Variants in DNM3 observed in about 807,000 individuals in gnomAD.
DNM3 encodes the protein dynamin 3.
DNM3 carries 47 observed loss-of-function variants against 101.6 expected under a neutral mutation model. The ratio of observed to expected loss-of-function variants is 0.46; its 90% confidence interval spans 0.37 to 0.59. The LOEUF (loss-of-function observed/expected upper bound fraction) is 0.59, where lower values mean the gene tolerates loss of function less well. Among genes scored for constraint, DNM3 ranks in the 20% least tolerant of loss-of-function variants. DNM3 has a pLI of 0.00. For missense variants in DNM3, 849 were observed against 1,085.7 expected (o/e 0.78, Z 3.06); for synonymous variants, 385 against 387.9 (o/e 0.99, Z 0.09).
At chr1:172,345,645 G>A (rs756738400) in intron 17 of DNM3, among the ~76,000 whole-genome samples, 1 of 152,076 alleles carries the variant, frequency 6.6e-6, no homozygotes, top group Non-Finnish European at 1.5e-5. Flanking sequence ...AAGTGTATTT[G>A]TGCCACTTGA....
chr1:172,108,665 C>A (rs1241774243), intron 13 of DNM3, among the ~76,000 whole-genome samples: 2 of 152,174 alleles, frequency 1.3e-5, no homozygotes, highest in Non-Finnish European at 2.9e-5. Context: ...CATTCCCCAC[C>A]CCAGGGAATT....
chr1:172,075,819 A>C (rs1258076145), intron 11 of DNM3, among the ~76,000 whole-genome samples: 1 of 152,144 alleles, frequency 6.6e-6, no homozygotes, highest in Non-Finnish European at 1.5e-5. Flanking sequence ...TTTCATATGA[A>C]ATTTAAAGTA....
chr1:172,280,482 A>C (rs1488713681), intron 15 of DNM3, among the ~76,000 whole-genome samples: 1 of 152,192 alleles, frequency 6.6e-6, no homozygotes, highest in Non-Finnish European at 1.5e-5. Flanking sequence ...ATGTGAGTGA[A>C]TACATGTTAG....
Position 172,259,831 on chromosome 1 carries a change from C to T in DNM3, c.1769+6149C>T, listed in dbSNP as rs914468063. On this transcript the variant is annotated intron_variant, in intron 15 of 20. Coordinates refer to ENST00000627582, the MANE Select transcript of DNM3 (RefSeq NM_015569.5). ...ATCCTTTTTTCCTTTCTTTTTCTCT[C>T]ATAATTTATCTTTGTGGTTTGTTGG... Among the ~76,000 whole-genome samples the T allele has an allele frequency of 4.0e-5, 6 of 151,894 alleles. No individual in the cohort carries two copies. The South Asian group carries it at 8.3e-4, about 21-fold the overall frequency.
At chr1:172,174,901 T>A in intron 14 of DNM3, among the ~76,000 whole-genome samples, 1 of 151,752 alleles carries the variant, frequency 6.6e-6, no homozygotes, top group East Asian at 1.9e-4. Flanking sequence ...TTTCCATAAT[T>A]TATCTAAGTG....
At chr1:172,259,953 G>C (rs1379965991) in intron 15 of DNM3, among the ~76,000 whole-genome samples, 1 of 151,988 alleles carries the variant, frequency 6.6e-6, no homozygotes, top group Non-Finnish European at 1.5e-5. Context: ...CATAATGGTA[G>C]TTATTATTCT....
At chr1:172,253,769 T>G in intron 15 of DNM3, 87 bp downstream of exon 15, 1 of 794,878 alleles carries the variant, frequency 1.3e-6, no homozygotes. Context: ...ATAGTTCCTT[T>G]GGTCACACCT....
chr1:171,938,458 A>C (rs941793374), intron 2 of DNM3, among the ~76,000 whole-genome samples: 3 of 152,214 alleles, frequency 2.0e-5, no homozygotes, highest in Non-Finnish European at 4.4e-5. Flanking sequence ...TCTCAAGCAC[A>C]TAATTTTAAA....
intron 14 of DNM3, among the ~76,000 whole-genome samples, chr1:172,153,268 A>C (rs2058207201): frequency 6.6e-6 from 1 of 152,144 alleles, no homozygotes; most frequent in Non-Finnish European, 1.5e-5. Flanking sequence ...ATTCTGCAAC[A>C]AGTTCATACG....
intron 16 of DNM3, among the ~76,000 whole-genome samples, chr1:172,315,137 G>C (rs931698443): frequency 1.3e-5 from 2 of 152,192 alleles, no homozygotes; most frequent in African/African-American, 4.8e-5. Context: ...ACAGGGTCTG[G>C]AGTGGACCTC....
chr1:172,058,871 CA>C (rs200231245), intron 10 of DNM3, among the ~76,000 whole-genome samples: 18 of 151,030 alleles, frequency 1.2e-4, no homozygotes, highest in Admixed American at 2.0e-4. Context: ...GAAATAGAGA[CA>C]AAAAAAACCC....
In DNM3 at chr1:172,163,948, CAT is replaced by C. The variant is rs202077890; in HGVS notation, c.1659+32668_1659+32669del. Among the ~76,000 whole-genome samples, 742 of 117,562 alleles carry C rather than the reference CAT, an allele frequency of 6.3e-3. 4 individuals carry two copies. Among genetic ancestry groups the C allele is most frequent in the East Asian group, 0.032 (149 of 4,662 alleles). The allele number at this position is 117,562 out of a possible 152,430, so 77.1% of individuals were successfully genotyped here. On this transcript the variant is annotated intron_variant, in intron 14 of 20. Coordinates refer to ENST00000627582, the MANE Select transcript of DNM3 (RefSeq NM_015569.5). The stretch of plus-strand genomic sequence containing the variant: ...GCATGTGCATATATACACATGCATA[CAT>C]ATATATACACACACACACACACACA...
chr1:172,392,622 C>A (rs531394060), intron 20 of DNM3, among the ~76,000 whole-genome samples: 1 of 152,116 alleles, frequency 6.6e-6, no homozygotes, highest in Non-Finnish European at 1.5e-5. Context: ...TCACTGAATC[C>A]GAGTGTGTTT....
intron 20 of DNM3, among the ~76,000 whole-genome samples, chr1:172,404,589 C>G (rs1315694924): frequency 3.9e-5 from 6 of 152,070 alleles, no homozygotes; most frequent in Non-Finnish European, 5.9e-5. Context: ...TCTTTCTATT[C>G]TCTATCCACA....
chr1:172,222,346 C>T (rs1182950351), intron 14 of DNM3, among the ~76,000 whole-genome samples: 3 of 152,134 alleles, frequency 2.0e-5, no homozygotes, highest in African/African-American at 7.2e-5. Context: ...CAGATTTTCT[C>T]AAAGTTGCCT....
At chr1:172,289,297 TTCCAATTTA>T (rs989209742) in intron 15 of DNM3, among the ~76,000 whole-genome samples, 3 of 152,166 alleles carry the variant, frequency 2.0e-5, no homozygotes, top group Admixed American at 1.3e-4. Context: ...TTAAATTTTT[TTCCAATTTA>T]TCCTGTAGAT....
intron 14 of DNM3, among the ~76,000 whole-genome samples, chr1:172,178,623 G>A (rs2148379893): frequency 6.6e-6 from 1 of 151,962 alleles, no homozygotes; most frequent in South Asian, 2.1e-4. Context: ...GAGAGACAGA[G>A]AGAAAGGGTG....
chr1:172,272,241 T>C (rs1270697638), intron 15 of DNM3, among the ~76,000 whole-genome samples: 1 of 152,106 alleles, frequency 6.6e-6, no homozygotes, highest in Non-Finnish European at 1.5e-5. Flanking sequence ...ATTTAATCTC[T>C]AGAAAATATT....
chr1:171,895,973 C>G (rs901039469), intron 1 of DNM3, among the ~76,000 whole-genome samples: 4 of 152,078 alleles, frequency 2.6e-5, no homozygotes, highest in African/African-American at 9.6e-5. Context: ...ATTTCTGAGG[C>G]CTCTGTTCTG....
Sources: allele counts gnomAD v4.1 joint callset (sites outside exome capture counted in the v4.1 genomes callset), GRCh38; gene constraint gnomAD v4.1.1; transcripts MANE v1.5; gene names NCBI Gene and HGNC (gene_info 2026-07-23, HGNC 2026-07-21).